IQGAP2: variants seen among roughly 807,000 people sequenced by gnomAD.
The protein encoded by IQGAP2 is IQ motif containing GTPase activating protein 2, also known as ras GTPase-activating-like protein IQGAP2.
A neutral mutation model predicts 201.3 loss-of-function variants in IQGAP2; 173 were observed. The observed-to-expected ratio is 0.86, with a 90% CI of 0.76 to 0.98. IQGAP2 has a LOEUF of 0.98. Ranked by LOEUF, IQGAP2 falls within the 50% of genes least tolerant of loss-of-function variation. IQGAP2 has a pLI of 0.00. For synonymous variants in IQGAP2, 675 were observed against 673.9 expected (o/e 1.00, Z -0.03); for missense variants, 1,687 against 1,864.8 (o/e 0.90, Z 1.76).
intron 30 of IQGAP2, among the ~76,000 whole-genome samples, chr5:76,687,454 C>T (rs1580822318): frequency 1.3e-5 from 2 of 152,300 alleles, no homozygotes; most frequent in East Asian, 3.9e-4. Flanking sequence ...TTACAAAGTG[C>T]AGCATTGACA....
chr5:76,512,329 A>G (rs1758020009), intron 2 of IQGAP2, among the ~76,000 whole-genome samples: 1 of 152,224 alleles, frequency 6.6e-6, no homozygotes, highest in Non-Finnish European at 1.5e-5. Flanking sequence ...AGGCTTTTGT[A>G]TCTTGAGAAG....
At chr5:76,690,486 C>T (rs901508606) in intron 30 of IQGAP2, among the ~76,000 whole-genome samples, 4 of 152,210 alleles carry the variant, frequency 2.6e-5, no homozygotes, top group African/African-American at 9.6e-5. Flanking sequence ...GGTCTCTCTC[C>T]GGGCCACAGT....
At chr5:76,629,830 T>G (rs997026315) in intron 14 of IQGAP2, among the ~76,000 whole-genome samples, 3 of 152,218 alleles carry the variant, frequency 2.0e-5, no homozygotes, top group Non-Finnish European at 4.4e-5. Context: ...AGGAGATTTA[T>G]GGAGGTTTCT....
intron 2 of IQGAP2, among the ~76,000 whole-genome samples, chr5:76,496,716 C>CTT (rs1399465353): frequency 5.5e-5 from 1 of 18,092 alleles, no homozygotes; most frequent in Admixed American, 7.1e-4. Context: ...TTCTTTCTTT[C>CTT]TTTCTTTCTT....
intron 2 of IQGAP2, among the ~76,000 whole-genome samples, chr5:76,510,970 A>G (rs1454509158): frequency 1.3e-5 from 2 of 152,304 alleles, no homozygotes; most frequent in Non-Finnish European, 2.9e-5. Context: ...TCCAACATCT[A>G]TGACAGTTGG....
Position 76,479,022 on chromosome 5 carries a change from GA to G in IQGAP2, c.146+17354del, listed in dbSNP as rs368455263. On this transcript the variant is annotated intron_variant, in intron 2 of 35. Coordinates refer to ENST00000274364, the MANE Select transcript of IQGAP2 (RefSeq NM_006633.5). Reference sequence around the variant, plus strand: ...TTCATAGGCTCCGTTTTCCCTGCAGGATCATGGAAGGGCACCTCCTGAGCCT... The same window carrying G: ...TTCATAGGCTCCGTTTTCCCTGCAGGTCATGGAAGGGCACCTCCTGAGCCT... 8.2e-4 allele frequency among the ~76,000 whole-genome samples: 125 copies of G among 152,132 alleles called. 1 individual carries two copies. The South Asian group carries it at 0.018, about 21-fold the overall frequency.
In IQGAP2 at chr5:76,635,540, G is replaced by A. The variant is rs545358919; in HGVS notation, c.1781-1494G>A. 1.8e-4 allele frequency among the ~76,000 whole-genome samples: 27 copies of A among 152,030 alleles called. No individual in the cohort carries two copies. The South Asian group carries it at 5.6e-3, about 32-fold the overall frequency. On this transcript the variant is annotated intron_variant, in intron 15 of 35. Coordinates refer to ENST00000274364, the MANE Select transcript of IQGAP2 (RefSeq NM_006633.5). ...ACATTTATGAATCTGACAACTATTG[G>A]TAATTGAAAATATCATAATTGGCTG...
intron 1 of IQGAP2, among the ~76,000 whole-genome samples, chr5:76,431,282 A>C (rs1448766510): frequency 1.3e-5 from 2 of 151,922 alleles, no homozygotes; most frequent in Non-Finnish European, 2.9e-5. Context: ...GTGAGATTTT[A>C]ACTTTTAAAA....
At chr5:76,610,106 ATATATATATTTTTTTTTT>A (rs1748213033) in intron 12 of IQGAP2, among the ~76,000 whole-genome samples, 1 of 17,220 alleles carries the variant, frequency 5.8e-5, no homozygotes, top group African/African-American at 1.9e-4. Context: ...ATATATATAT[ATATATATATTTTTTTTTT>A]TTTTTTTTTT....
At chr5:76,618,194 G>A (rs1263852748) in intron 13 of IQGAP2, 5 of 1,614,072 alleles carry the variant, frequency 3.1e-6, no homozygotes, top group Non-Finnish European at 4.2e-6. Context: ...CATAGAAGAT[G>A]ACTGTGGTGG....
Position 76,693,458 on chromosome 5 carries a change from G to T in IQGAP2, c.3993+16G>T. 1 of 1,499,836 alleles carries T rather than the reference G, an allele frequency of 6.7e-7. No individual in the cohort carries two copies. The highest frequency in any genetic ancestry group is 9.3e-7 in the Non-Finnish European group (1 of 1,078,480). The allele number at this position is 1,499,836 out of a possible 1,614,324, so 92.9% of individuals were successfully genotyped here. ...TGCGCAACAGGTAATTTGACTTTAA[G>T]TGTAAAATAATAATAGACAGGTGTT... On this transcript the variant is annotated intron_variant, in intron 31 of 35. Transcript: ENST00000274364.
At chr5:76,481,520 T>G (rs529143125) in intron 2 of IQGAP2, among the ~76,000 whole-genome samples, 30 of 152,110 alleles carry the variant, frequency 2.0e-4, no homozygotes, top group African/African-American at 6.0e-4. Flanking sequence ...GTAGCTGGGA[T>G]TACAGGAGTG....
chr5:76,621,666 G>A (rs1046540352), intron 13 of IQGAP2, among the ~76,000 whole-genome samples: 1 of 152,172 alleles, frequency 6.6e-6, no homozygotes, highest in African/African-American at 2.4e-5. Context: ...CCTGTGTTTT[G>A]TGGAAAAGTT....
intron 29 of IQGAP2, 145 bp from the exon 30 acceptor site, chr5:76,683,631 A>G (rs890167094): frequency 6.6e-6 from 4 of 609,354 alleles, no homozygotes; most frequent in African/African-American, 1.9e-5. Flanking sequence ...CACTTTAGCT[A>G]TAGTAGAATG....
intron 2 of IQGAP2, among the ~76,000 whole-genome samples, chr5:76,489,919 A>G (rs1212472277): frequency 6.6e-6 from 1 of 152,140 alleles, no homozygotes. Context: ...ACATATGCAC[A>G]CTGCGGACTT....
At chr5:76,636,831 G>T (rs1240757688) in intron 15 of IQGAP2, among the ~76,000 whole-genome samples, 1 of 152,158 alleles carries the variant, frequency 6.6e-6, no homozygotes, top group Non-Finnish European at 1.5e-5. Flanking sequence ...AGATATTTGT[G>T]TCTCTTCCTT....
intron 13 of IQGAP2, among the ~76,000 whole-genome samples, chr5:76,623,691 C>T (rs2150368486): frequency 6.6e-6 from 1 of 152,306 alleles, no homozygotes; most frequent in African/African-American, 2.4e-5. Flanking sequence ...GTAATTTCTA[C>T]TTAATAAATT....
At chr5:76,535,303 C>T (rs1450312131) in intron 2 of IQGAP2, among the ~76,000 whole-genome samples, 1 of 151,914 alleles carries the variant, frequency 6.6e-6, no homozygotes, top group Non-Finnish European at 1.5e-5. Flanking sequence ...GGATACTTTG[C>T]CTTTATTGGA....
rs767659998 is a variant in IQGAP2 at position 76,671,709 on chromosome 5, A to AG, written c.2844-50_2844-49insG. On this transcript the variant is annotated intron_variant, in intron 23 of 35. Transcript: ENST00000274364. ...TCGGGGAAAAAAAAAAAAAAAAAAA[A>AG]TCTGTATCCATGGAAGCAAACCATT... The AG allele has an allele frequency of 2.1e-5, 25 of 1,163,778 alleles. No homozygotes were observed. In the African/African-American group the frequency reaches 3.1e-4, roughly 14 times the overall value. 72.1% of individuals were successfully genotyped at this position (1,163,778 alleles called of 1,614,324 possible).
Sources: allele counts gnomAD v4.1 joint callset (sites outside exome capture counted in the v4.1 genomes callset), GRCh38; gene constraint gnomAD v4.1.1; transcripts MANE v1.5; gene names NCBI Gene and HGNC (gene_info 2026-07-23, HGNC 2026-07-21).